ARL15: variants seen among roughly 807,000 people sequenced by gnomAD.
ARL15 encodes the protein ADP-ribosylation factor-like protein 15.
ARL15 carries 19 observed loss-of-function variants against 25.2 expected under a neutral mutation model. The observed-to-expected ratio is 0.75, with a 90% CI of 0.53 to 1.10. The LOEUF is 1.10. Ranked by LOEUF, ARL15 falls within the 50% of genes least tolerant of loss-of-function variation. The pLI is 0.00. For missense variants in ARL15, 220 were observed against 246.0 expected, an observed-to-expected ratio of 0.89 and a Z score of 0.71; for synonymous variants, 94 against 86.8, an observed-to-expected ratio of 1.08 and a Z score of -0.46.
chr5:54,149,871 C>T (rs763403326), intron 3 of ARL15, among the ~76,000 whole-genome samples: 45 of 152,174 alleles, frequency 3.0e-4, no homozygotes, highest in Admixed American at 6.5e-4. Context: ...ATTAGCTTCA[C>T]CAAAAACCTC....
At chr5:53,905,801 A>G (rs1745231886) in intron 4 of ARL15, among the ~76,000 whole-genome samples, 1 of 152,248 alleles carries the variant, frequency 6.6e-6, no homozygotes, top group African/African-American at 2.4e-5. Flanking sequence ...ATCTATTTTT[A>G]ACTAGAAGGT....
At chr5:54,164,289 T>C (rs1190405521) in intron 2 of ARL15, among the ~76,000 whole-genome samples, 7 of 152,036 alleles carry the variant, frequency 4.6e-5, no homozygotes, top group Non-Finnish European at 7.4e-5. Context: ...TAAACCAGGT[T>C]ATGGCCTAAT....
chr5:54,165,549 T>C (rs2112382521), intron 2 of ARL15, among the ~76,000 whole-genome samples: 1 of 151,932 alleles, frequency 6.6e-6, no homozygotes, highest in South Asian at 2.1e-4. Context: ...CTTGCATTTT[T>C]CCAGTGAAAA....
At chr5:54,071,445 GT>G (rs1479975132) in intron 4 of ARL15, among the ~76,000 whole-genome samples, 1 of 145,056 alleles carries the variant, frequency 6.9e-6, no homozygotes, top group Non-Finnish European at 1.5e-5. Flanking sequence ...ATAAATAACA[GT>G]TACAGTTCAG....
chr5:53,887,255 A>G (rs1744557449), intron 4 of ARL15: 1 of 621,632 alleles, frequency 1.6e-6, no homozygotes, highest in African/African-American at 1.9e-5. Flanking sequence ...GAGACATGAG[A>G]GCGTGTTTTC....
At chr5:54,198,248 C>T (rs1228530141) in intron 1 of ARL15, among the ~76,000 whole-genome samples, 1 of 152,062 alleles carries the variant, frequency 6.6e-6, no homozygotes, top group Non-Finnish European at 1.5e-5. Flanking sequence ...GACAGGGATG[C>T]CCTCTCTCAC....
intron 1 of ARL15, among the ~76,000 whole-genome samples, chr5:54,254,106 A>G (rs1757307769): frequency 6.6e-6 from 1 of 152,200 alleles, no homozygotes; most frequent in African/African-American, 2.4e-5. Context: ...AATTAAGACA[A>G]TCTTTTGCAG....
intron 4 of ARL15, among the ~76,000 whole-genome samples, chr5:54,011,369 T>TGCATTTCTTAAAATGAGC: frequency 6.6e-6 from 1 of 152,222 alleles, no homozygotes. Flanking sequence ...CAGTAATGTG[T>TGCATTTCTTAAAATGAGC]GCATTTCTTA....
intron 4 of ARL15, among the ~76,000 whole-genome samples, chr5:53,908,097 T>C (rs1561144298): frequency 1.3e-5 from 2 of 152,220 alleles, no homozygotes. Flanking sequence ...TGCTACCATA[T>C]AAAAAGATAT....
intron 4 of ARL15, among the ~76,000 whole-genome samples, chr5:53,899,695 C>A (rs1745001567): frequency 6.6e-6 from 1 of 151,858 alleles, no homozygotes; most frequent in South Asian, 2.1e-4. Context: ...TCCTTGTTTT[C>A]TTATCTAGCA....
At chr5:54,262,451 T>G (rs376748931) in intron 1 of ARL15, among the ~76,000 whole-genome samples, 2 of 152,322 alleles carry the variant, frequency 1.3e-5, no homozygotes, top group East Asian at 1.9e-4. Context: ...GAAGTGATTT[T>G]GAGACTCTCA....
intron 1 of ARL15, among the ~76,000 whole-genome samples, chr5:54,220,843 C>T (rs1419526050): frequency 6.6e-6 from 1 of 152,098 alleles, no homozygotes; most frequent in Non-Finnish European, 1.5e-5. Context: ...ACCCCCTTTG[C>T]CGTGGTGAGA....
chr5:54,019,775 T>C (rs1309981537), intron 4 of ARL15, among the ~76,000 whole-genome samples: 2 of 152,222 alleles, frequency 1.3e-5, no homozygotes, highest in Non-Finnish European at 2.9e-5. Flanking sequence ...AAGTAATATT[T>C]ATAATTGGGT....
intron 4 of ARL15, among the ~76,000 whole-genome samples, chr5:54,006,388 A>G (rs1749044382): frequency 6.6e-6 from 1 of 152,120 alleles, no homozygotes; most frequent in Non-Finnish European, 1.5e-5. Flanking sequence ...CCGAGTACAC[A>G]TGGATATATG....
chr5:53,994,955 A>G (rs983258187), intron 4 of ARL15, among the ~76,000 whole-genome samples: 1 of 152,124 alleles, frequency 6.6e-6, no homozygotes, highest in Non-Finnish European at 1.5e-5. Flanking sequence ...AATTACAGGC[A>G]TAAGCCACCG....
chr5:54,137,575 C>A (rs1417944067), intron 3 of ARL15, among the ~76,000 whole-genome samples: 5 of 152,122 alleles, frequency 3.3e-5, no homozygotes, highest in Non-Finnish European at 5.9e-5. Flanking sequence ...GGGGTAGACA[C>A]CATGATACAA....
chr5:54,085,301 T>A (rs1296942628), intron 4 of ARL15, among the ~76,000 whole-genome samples: 1 of 152,258 alleles, frequency 6.6e-6, no homozygotes, highest in Non-Finnish European at 1.5e-5. Flanking sequence ...TCTATTTATT[T>A]TATTTATTAG....
chr5:54,287,563 C>T (rs954192364), intron 1 of ARL15, among the ~76,000 whole-genome samples: 1 of 151,774 alleles, frequency 6.6e-6, no homozygotes, highest in Non-Finnish European at 1.5e-5. Context: ...AATGCATGCC[C>T]TAGACACCTT....
chr5:54,158,084 T>A (rs1013707283), intron 2 of ARL15, among the ~76,000 whole-genome samples: 1 of 152,014 alleles, frequency 6.6e-6, no homozygotes, highest in Non-Finnish European at 1.5e-5. Context: ...TTACATCAGG[T>A]TGGATGAGGC....
Sources: gnomAD v4.1 joint callset for allele counts (sites outside exome capture counted in the v4.1 genomes callset) on GRCh38, gnomAD v4.1.1 for gene constraint, MANE v1.5 for transcripts, NCBI Gene and HGNC (gene_info 2026-07-23, HGNC 2026-07-21) for gene names.